The following RXFP1 variants were observed in gnomAD, a reference collection of about 807,000 sequenced individuals.
RXFP1 encodes the protein relaxin receptor 1.
RXFP1 carries 73 observed loss-of-function variants against 89.8 expected under a neutral mutation model. The ratio of observed to expected loss-of-function variants is 0.81; its 90% confidence interval spans 0.67 to 0.99. The LOEUF is 0.99. Ranked by LOEUF, RXFP1 falls within the 50% of genes least tolerant of loss-of-function variation. RXFP1 has a pLI of 0.00. For missense variants in RXFP1, 793 were observed against 895.5 expected, an observed-to-expected ratio of 0.89 and a Z score of 1.46; for synonymous variants, 277 against 305.5, an observed-to-expected ratio of 0.91 and a Z score of 0.97.
intron 3 of RXFP1, among the ~76,000 whole-genome samples, chr4:158,596,382 G>C (rs1314048563): frequency 3.3e-5 from 5 of 151,028 alleles, no homozygotes; most frequent in African/African-American, 4.9e-5. Flanking sequence ...TTCTGCCTCA[G>C]CCTCCCGAGT....
intron 1 of RXFP1, among the ~76,000 whole-genome samples, chr4:158,572,440 A>G (rs542706612): frequency 5.9e-5 from 9 of 152,220 alleles, no homozygotes; most frequent in Admixed American, 6.5e-5. Context: ...GACGTTTCAT[A>G]GAAGAGAGGA....
intron 2 of RXFP1, among the ~76,000 whole-genome samples, chr4:158,589,925 A>G (rs941093517): frequency 3.3e-5 from 5 of 152,036 alleles, no homozygotes; most frequent in African/African-American, 1.2e-4. Context: ...AGTGGTATGC[A>G]TCTATAGTCC....
intron 1 of RXFP1, among the ~76,000 whole-genome samples, chr4:158,542,109 A>ATATT: frequency 1.7e-4 from 6 of 35,240 alleles, no homozygotes; most frequent in African/African-American, 5.6e-4. Context: ...ATATATATAT[A>ATATT]TTTTTTTTTT....
chr4:158,579,706 G>A (rs1756950626), intron 2 of RXFP1, among the ~76,000 whole-genome samples: 1 of 152,148 alleles, frequency 6.6e-6, no homozygotes, highest in African/African-American at 2.4e-5. Context: ...ATAAAGTTCT[G>A]GTCCAGATTA....
At position 158,651,918 on chromosome 4, in the gene RXFP1, T is replaced by C. The variant is rs1234435356; in HGVS notation, c.2137T>C (p.Tyr713His). The change falls in exon 18 of 18, where the codon TAT becomes CAT. Residue 713 changes from tyrosine to histidine, a missense_variant. Physicochemically the swap from Tyr to His is moderately conservative, Grantham distance 83. Coordinates refer to ENST00000307765, the MANE Select transcript of RXFP1 (RefSeq NM_021634.4). ...TATGGACAGCAAAGGTCAGAAAACA[T>C]ATGCTCCATCATTCATCTGGGTGGA... ...KSMDSKGQKT[Y>H]APSFIWVEMW... 1.2e-6 allele frequency: 2 copies of C among 1,614,050 alleles called. No individual in the cohort carries two copies. Among genetic ancestry groups the C allele is most frequent in the African/African-American group, 1.3e-5 (1 of 74,898 alleles).
chr4:158,608,270 TA>T (rs1762885606), intron 6 of RXFP1, among the ~76,000 whole-genome samples: 1 of 149,670 alleles, frequency 6.7e-6, no homozygotes, highest in Non-Finnish European at 1.5e-5. Flanking sequence ...GAGCAATTTG[TA>T]TTCCTTTCTT....
intron 1 of RXFP1, among the ~76,000 whole-genome samples, chr4:158,540,467 A>T (rs1250233270): frequency 6.6e-6 from 1 of 151,428 alleles, no homozygotes; most frequent in Non-Finnish European, 1.5e-5. Context: ...GCCAGAGGTC[A>T]CTCTTGTCAC....
intron 1 of RXFP1, among the ~76,000 whole-genome samples, chr4:158,562,352 G>A (rs1361902405): frequency 6.0e-5 from 9 of 150,626 alleles, no homozygotes; most frequent in Admixed American, 2.6e-4. Flanking sequence ...GTGAAACCCC[G>A]TCTCTACTAA....
intron 2 of RXFP1, among the ~76,000 whole-genome samples, chr4:158,579,686 T>G (rs999341786): frequency 6.6e-6 from 1 of 152,210 alleles, no homozygotes; most frequent in Non-Finnish European, 1.5e-5. Flanking sequence ...GAGACATTAT[T>G]AAGGTCGACA....
intron 2 of RXFP1, among the ~76,000 whole-genome samples, chr4:158,577,649 C>CCT (rs1424596154): frequency 6.6e-6 from 1 of 151,766 alleles, no homozygotes; most frequent in Non-Finnish European, 1.5e-5. Flanking sequence ...GCTATTTAAA[C>CCT]CTTGACACTA....
intron 2 of RXFP1, among the ~76,000 whole-genome samples, chr4:158,587,472 T>A (rs1408741632): frequency 6.6e-6 from 1 of 152,200 alleles, no homozygotes; most frequent in African/African-American, 2.4e-5. Flanking sequence ...TTAAATAAAC[T>A]TTTTTATAAT....
chr4:158,529,938 A>G (rs958072331), intron 1 of RXFP1, among the ~76,000 whole-genome samples: 3 of 152,134 alleles, frequency 2.0e-5, no homozygotes, highest in Non-Finnish European at 4.4e-5. Flanking sequence ...TAAACATACT[A>G]CTTGCAGATT....
chr4:158,586,333 A>G (rs915914340), intron 2 of RXFP1, among the ~76,000 whole-genome samples: 5 of 152,248 alleles, frequency 3.3e-5, no homozygotes, highest in African/African-American at 4.8e-5. Flanking sequence ...TATTTATAGC[A>G]TGACTATATC....
At chr4:158,548,413 G>C (rs868217506) in intron 1 of RXFP1, among the ~76,000 whole-genome samples, 1 of 152,180 alleles carries the variant, frequency 6.6e-6, no homozygotes, top group Non-Finnish European at 1.5e-5. Flanking sequence ...CAATTTGCCA[G>C]TCTGTGTCTT....
intron 1 of RXFP1, chr4:158,543,796 C>A (rs564524819): frequency 1.0e-6 from 1 of 985,200 alleles, no homozygotes; most frequent in South Asian, 4.7e-5. Context: ...AGTATTACAA[C>A]AGCTGGTACT....
chr4:158,608,527 C>A (rs1762967662), intron 6 of RXFP1, among the ~76,000 whole-genome samples: 1 of 151,588 alleles, frequency 6.6e-6, no homozygotes, highest in Non-Finnish European at 1.5e-5. Flanking sequence ...AAGACTTCCC[C>A]AGTTATTCAA....
chr4:158,523,902 TTTG>T (rs1407245547), intron 1 of RXFP1, among the ~76,000 whole-genome samples: 1 of 152,170 alleles, frequency 6.6e-6, no homozygotes, highest in African/African-American at 2.4e-5. Flanking sequence ...GTGTGTTTTC[TTTG>T]TTTTGTTTTG....
intron 1 of RXFP1, among the ~76,000 whole-genome samples, chr4:158,545,022 C>T (rs574273638): frequency 2.2e-4 from 33 of 151,820 alleles, no homozygotes; most frequent in Non-Finnish European, 3.5e-4. Flanking sequence ...GGAATCGCCA[C>T]ACTGACTTCC....
intron 6 of RXFP1, among the ~76,000 whole-genome samples, chr4:158,608,456 C>T (rs1762951068): frequency 6.7e-6 from 1 of 148,652 alleles, no homozygotes; most frequent in African/African-American, 2.5e-5. Context: ...AAGACCCTGT[C>T]TCTGACAAAG....
Sources: gnomAD v4.1 joint callset for allele counts (sites outside exome capture counted in the v4.1 genomes callset) on GRCh38, gnomAD v4.1.1 for gene constraint, MANE v1.5 for transcripts, NCBI Gene and HGNC (gene_info 2026-07-23, HGNC 2026-07-21) for gene names.